The following PRPF19 variants were observed in gnomAD, a reference collection of about 807,000 sequenced individuals.
The protein encoded by PRPF19 is pre-mRNA-processing factor 19.
PRPF19 carries 2 observed loss-of-function variants against 64.2 expected under a neutral mutation model. The observed-to-expected ratio is 0.03, with a 90% confidence interval of 0.01 to 0.10. The LOEUF is 0.10. PRPF19 is among the 10% of genes least tolerant of loss of function. The pLI is 1.00. For missense variants in PRPF19, 314 were observed against 650.0 expected (o/e 0.48, Z 5.62); for synonymous variants, 226 against 251.6 (o/e 0.90, Z 0.96).
chr11:60,904,622 T>C (rs902291388), intron 1 of PRPF19, among the ~76,000 whole-genome samples: 1 of 152,082 alleles, frequency 6.6e-6, no homozygotes, highest in Non-Finnish European at 1.5e-5. Context: ...ACACTTATGT[T>C]TACCAGTTTA....
intron 11 of PRPF19, 98 bp from the exon 12 acceptor site, chr11:60,899,029 G>C: frequency 6.6e-7 from 1 of 1,508,834 alleles, no homozygotes; most frequent in Non-Finnish European, 9.0e-7. Flanking sequence ...GGCAAACCCT[G>C]GCAAACATTC....
intron 15 of PRPF19, 138 bp from the exon 16 acceptor site, chr11:60,891,401 C>A: frequency 1.5e-6 from 1 of 678,114 alleles, no homozygotes; most frequent in African/African-American, 1.8e-5. Context: ...TGTTTGTTTT[C>A]CCTAGGCTGA....
intron 15 of PRPF19, among the ~76,000 whole-genome samples, chr11:60,893,038 C>G (rs928493591): frequency 6.6e-6 from 1 of 151,962 alleles, no homozygotes; most frequent in East Asian, 1.9e-4. Context: ...GACATGTCAG[C>G]GACGGACCAC....
intron 1 of PRPF19, among the ~76,000 whole-genome samples, chr11:60,905,834 G>A (rs764083506): frequency 2.0e-4 from 30 of 152,246 alleles, no homozygotes; most frequent in Non-Finnish European, 3.7e-4. Flanking sequence ...TACAGTGTAA[G>A]GCTGGGAGCC....
In PRPF19 at chr11:60,906,348, C is replaced by A; in HGVS notation, c.19+16G>T. 1 of 1,598,486 alleles carries A rather than the reference C, an allele frequency of 6.3e-7. No homozygotes were observed. The highest frequency in any genetic ancestry group is 8.5e-7 in the Non-Finnish European group (1 of 1,174,230). On this transcript the variant is annotated intron_variant, in intron 1 of 15. Coordinates refer to ENST00000227524, the MANE Select transcript of PRPF19 (RefSeq NM_014502.5). ...TGGCCTCCTGAGACCCGCGCTTGGC[C>A]GCAGCCAACACTCACTGGAGCAGAT...
chr11:60,903,499 G>A lies in PRPF19; in HGVS notation c.206C>T (p.Thr69Ile). ...HPIRPKPPSATSIPAILKALQ... is the reference protein window; with the variant it reads ...HPIRPKPPSAISIPAILKALQ... ...AGCTTTCAGAATGGCCGGGATGCTG[G>A]TGGCTGAGGGAGGCTTGGGCCGGAT... is the stretch of plus-strand genomic sequence containing the variant. The change falls in exon 3 of 16, where the codon ACC becomes ATC. Residue 69 changes from threonine (T) to isoleucine (I), a missense_variant. Thr to Ile is a moderately conservative substitution (Grantham distance 89, BLOSUM62 -1). Transcript: ENST00000227524. 6.2e-7 allele frequency: 1 copy of A among 1,614,116 alleles called. No individual in the cohort carries two copies. The highest frequency in any genetic ancestry group is 8.5e-7 in the Non-Finnish European group (1 of 1,180,032).
chr11:60,892,629 G>A (rs955142727), intron 15 of PRPF19, among the ~76,000 whole-genome samples: 2 of 152,170 alleles, frequency 1.3e-5, no homozygotes, highest in Admixed American at 1.3e-4. Context: ...AGTAATATTG[G>A]ATCTCAGAAA....
chr11:60,906,215 G>A (rs1856043466), intron 1 of PRPF19, 149 bp downstream of exon 1: 2 of 1,276,438 alleles, frequency 1.6e-6, no homozygotes, highest in Admixed American at 3.5e-5. Flanking sequence ...TCCGACGGGG[G>A]GGGCTCCGGT....
chr11:60,898,278 T>A lies in PRPF19; in HGVS notation c.1141-7A>T. 1 of 1,611,844 alleles carries A rather than the reference T, an allele frequency of 6.2e-7. No individual in the cohort carries two copies. Among genetic ancestry groups the A allele is most frequent in the Non-Finnish European group, 8.5e-7 (1 of 1,179,472 alleles). On this transcript the variant is annotated splice_region_variant and splice_polypyrimidine_tract_variant and intron_variant, in intron 13 of 15. Transcript: ENST00000227524. The surrounding 1 kb of genome is among the most constrained non-coding windows in gnomAD (Gnocchi z 4.6). ...TGGCCACATTAGTACGTTCCTACAG[T>A]GGCGGTGGGTAGTAAAATACGTCAC...
rs776579239 is a variant in PRPF19 at position 60,898,509 on chromosome 11, T to C, written c.1140+32A>G. ...TTGTCACAAACACTCCCTCTGGCCC[T>C]GGGCCTCAGATGGAGGCCTACCATG... is the stretch of plus-strand genomic sequence containing the variant. On this transcript the variant is annotated intron_variant, in intron 13 of 15. Transcript: ENST00000227524. This position sits in a 1 kb window ranked among gnomAD's most constrained non-coding sequence, Gnocchi z 4.6. The C allele has an allele frequency of 6.2e-7, 1 of 1,613,862 alleles. No homozygotes were observed. Among genetic ancestry groups the C allele is most frequent in the Admixed American group, 1.7e-5 (1 of 60,032 alleles).
Position 60,890,959 on chromosome 11 carries a change from C to T in PRPF19, c.*207G>A, listed in dbSNP as rs1388444713. The T allele has an allele frequency of 4.9e-6, 3 of 614,970 alleles. No homozygotes were observed. Among genetic ancestry groups the T allele is most frequent in the Admixed American group, 2.4e-5 (1 of 42,030 alleles). 38.1% of individuals were successfully genotyped at this position (614,970 alleles called of 1,614,324 possible). ...GGGTGACAGTTCTTCCTTCCACATCCGTTCCCATGGGGCCTGGAGTTGCAT... is the reference window on the plus strand; with the variant it reads ...GGGTGACAGTTCTTCCTTCCACATCTGTTCCCATGGGGCCTGGAGTTGCAT... On this transcript the variant is annotated 3_prime_UTR_variant, in exon 16 of 16. Coordinates refer to ENST00000227524, the MANE Select transcript of PRPF19 (RefSeq NM_014502.5).
At position 60,898,078 on chromosome 11, in the gene PRPF19, T is replaced by G; in HGVS notation, c.1311+23A>C. ...CAAACAAGGAGACACAATGGAAAGCTGGGCGGAGGGGGAAGGGCACACCTC... is the reference window on the plus strand; with the variant it reads ...CAAACAAGGAGACACAATGGAAAGCGGGGCGGAGGGGGAAGGGCACACCTC... On this transcript the variant is annotated intron_variant, in intron 14 of 15. Coordinates refer to ENST00000227524, the MANE Select transcript of PRPF19 (RefSeq NM_014502.5). This position sits in a 1 kb window ranked among gnomAD's most constrained non-coding sequence, Gnocchi z 4.6. The G allele has an allele frequency of 6.2e-7, 1 of 1,610,636 alleles. No homozygotes were observed. The highest frequency in any genetic ancestry group is 8.5e-7 in the Non-Finnish European group (1 of 1,177,788).
chr11:60,898,808 A>G lies in PRPF19; in HGVS notation c.1054+54T>C. 1 of 1,501,882 alleles carries G rather than the reference A, an allele frequency of 6.7e-7. No individual in the cohort carries two copies. Among genetic ancestry groups the G allele is most frequent in the Non-Finnish European group, 8.9e-7 (1 of 1,119,756 alleles). The allele number at this position is 1,501,882 out of a possible 1,614,324, so 93.0% of individuals were successfully genotyped here. Reference sequence around the variant, plus strand: ...TAAACAAATGACTAAATAAAATGTAAAAATAAATAATAAACAGCAAACAAA... The same window carrying G: ...TAAACAAATGACTAAATAAAATGTAGAAATAAATAATAAACAGCAAACAAA... On this transcript the variant is annotated intron_variant, in intron 12 of 15. Transcript: ENST00000227524. This position sits in a 1 kb window ranked among gnomAD's most constrained non-coding sequence, Gnocchi z 4.6.
chr11:60,906,353 C>G lies in PRPF19; in HGVS notation c.19+11G>C. On this transcript the variant is annotated intron_variant, in intron 1 of 15. Coordinates refer to ENST00000227524, the MANE Select transcript of PRPF19 (RefSeq NM_014502.5). ...TCCTGAGACCCGCGCTTGGCCGCAG[C>G]CAACACTCACTGGAGCAGATTAGGG... is the stretch of plus-strand genomic sequence containing the variant. 6.3e-7 allele frequency: 1 copy of G among 1,599,856 alleles called. No homozygotes were observed. Among genetic ancestry groups the G allele is most frequent in the Non-Finnish European group, 8.5e-7 (1 of 1,174,778 alleles).
At chr11:60,891,342 CCAAA>C in intron 15 of PRPF19, 79 bp from the exon 16 acceptor site, 1 of 1,087,704 alleles carries the variant, frequency 9.2e-7, no homozygotes, top group Non-Finnish European at 1.4e-6. Flanking sequence ...TAACAGATTC[CCAAA>C]CAACCAGGCC....
intron 1 of PRPF19, among the ~76,000 whole-genome samples, chr11:60,905,824 TAC>T (rs1279689032): frequency 2.6e-5 from 4 of 152,254 alleles, no homozygotes; most frequent in Non-Finnish European, 4.4e-5. Context: ...TTATTAGTCA[TAC>T]AGTGTAAGGC....
chr11:60,898,373 AG>A lies in PRPF19; in HGVS notation c.1141-103del. 2 of 1,513,620 alleles carry A rather than the reference AG, an allele frequency of 1.3e-6. No homozygotes were observed. The highest frequency in any genetic ancestry group is 1.8e-6 in the Non-Finnish European group (2 of 1,120,030). 93.8% of individuals were successfully genotyped at this position (1,513,620 alleles called of 1,614,324 possible). A position where few individuals can be genotyped will look rare whatever the true frequency, so the allele number is the denominator to read the frequency against. On this transcript the variant is annotated intron_variant, in intron 13 of 15. Transcript: ENST00000227524. The surrounding 1 kb of genome is among the most constrained non-coding windows in gnomAD (Gnocchi z 4.6). ...CCTGAGATGTCCCTCACGTCCTTCCAGGAAGGACAGCCAGCGGGACCCCCCA... is the reference window on the plus strand; with the variant it reads ...CCTGAGATGTCCCTCACGTCCTTCCAGAAGGACAGCCAGCGGGACCCCCCA...
chr11:60,906,294 C>T, intron 1 of PRPF19, 70 bp downstream of exon 1: 3 of 1,529,352 alleles, frequency 2.0e-6, no homozygotes, highest in Non-Finnish European at 2.6e-6. Flanking sequence ...GGCGCCGCAG[C>T]GGACCGCACA....
intron 8 of PRPF19, 86 bp from the exon 9 acceptor site, chr11:60,901,015 T>A: frequency 1.4e-6 from 2 of 1,438,938 alleles, no homozygotes; most frequent in Non-Finnish European, 9.8e-7. Context: ...CCATCTCCAG[T>A]CACCCATGTT....
Sources: gnomAD v4.1 joint callset for allele counts (sites outside exome capture counted in the v4.1 genomes callset) on GRCh38, gnomAD v4.1.1 for gene constraint, Gnocchi (gnomAD v3.1) non-coding constraint, MANE v1.5 for transcripts, NCBI Gene and HGNC (gene_info 2026-07-23, HGNC 2026-07-21) for gene names.